KSR2: variants seen among roughly 807,000 people sequenced by gnomAD.
KSR2 encodes kinase suppressor of ras 2.
KSR2 carries 25 observed loss-of-function variants against 107.8 expected under a neutral mutation model. That is an observed-to-expected ratio of 0.23 (90% CI 0.17 to 0.32). The LOEUF (loss-of-function observed/expected upper bound fraction) is 0.32, where lower values mean the gene tolerates loss of function less well. Ranked by LOEUF, KSR2 falls within the 10% of genes least tolerant of loss-of-function variation. The pLI is 1.00. For missense variants in KSR2, 887 were observed against 1,268.9 expected, an observed-to-expected ratio of 0.70 and a Z score of 4.57; for synonymous variants, 480 against 507.0, an observed-to-expected ratio of 0.95 and a Z score of 0.71.
intron 1 of KSR2, among the ~76,000 whole-genome samples, chr12:117,956,498 G>A (rs2137589299): frequency 6.6e-6 from 1 of 151,856 alleles, no homozygotes; most frequent in South Asian, 2.1e-4. Context: ...AGCTCCGGAG[G>A]TCAAGGGTGC....
chr12:117,677,968 T>G (rs963011069), intron 4 of KSR2, among the ~76,000 whole-genome samples: 3 of 152,166 alleles, frequency 2.0e-5, no homozygotes, highest in Non-Finnish European at 4.4e-5. Flanking sequence ...AGAGTCTCGC[T>G]CTGTTGACCA....
chr12:117,798,720 AAT>A (rs1555242305), intron 3 of KSR2, among the ~76,000 whole-genome samples: 7 of 120,186 alleles, frequency 5.8e-5, no homozygotes, highest in East Asian at 2.1e-4. Context: ...AAAAAAAAAA[AAT>A]ATATATATAT....
At chr12:117,717,677 G>A (rs1887042616) in intron 4 of KSR2, among the ~76,000 whole-genome samples, 1 of 33,830 alleles carries the variant, frequency 3.0e-5, no homozygotes, top group African/African-American at 1.0e-4. Flanking sequence ...GTGTGTGTGT[G>A]TGTGTGTGTG....
intron 1 of KSR2, among the ~76,000 whole-genome samples, chr12:117,952,119 T>C (rs1433796530): frequency 6.6e-6 from 1 of 151,222 alleles, no homozygotes; most frequent in Non-Finnish European, 1.5e-5. Context: ...TACTGCATAC[T>C]TAAAATTTGC....
intron 1 of KSR2, among the ~76,000 whole-genome samples, chr12:117,872,634 G>A (rs1893688429): frequency 6.6e-6 from 1 of 152,092 alleles, no homozygotes; most frequent in Non-Finnish European, 1.5e-5. Flanking sequence ...TCTGGAGACA[G>A]CCCAGGAATC....
Position 117,764,185 on chromosome 12 carries a change from C to A in KSR2, c.473-2661G>T, listed in dbSNP as rs182214740. Among the ~76,000 whole-genome samples, 223 of 150,654 alleles carry A rather than the reference C, an allele frequency of 1.5e-3. 1 individual carries two copies. The highest frequency in any genetic ancestry group is 5.1e-3 in the African/African-American group (210 of 41,142). On this transcript the variant is annotated intron_variant, in intron 3 of 19. Transcript: ENST00000339824. ...AAAAAAGGCAATGCTGTTCTACAGC[C>A]TAGCCATCATCCCTATCAATAGCTG...
intron 1 of KSR2, among the ~76,000 whole-genome samples, chr12:117,871,446 G>A (rs944972807): frequency 2.0e-5 from 3 of 152,122 alleles, no homozygotes; most frequent in East Asian, 1.9e-4. Flanking sequence ...AAAAATGGCC[G>A]GGTGTGGTGG....
intron 5 of KSR2, among the ~76,000 whole-genome samples, chr12:117,606,337 TTTCCTTCCTTCCTCCCTCCCTCCC>T: frequency 1.2e-5 from 1 of 80,212 alleles, no homozygotes. Flanking sequence ...TCCTTCCTCC[TTTCCTTCCTTCCTCCCTCCCTCCC>T]CTCCTTCCTC....
intron 4 of KSR2, among the ~76,000 whole-genome samples, chr12:117,691,747 C>T (rs1158677904): frequency 2.0e-5 from 3 of 152,196 alleles, no homozygotes; most frequent in African/African-American, 7.2e-5. Context: ...ATCTCATGGG[C>T]TATGCTGTAG....
At chr12:117,751,063 A>G (rs1307669700) in intron 4 of KSR2, among the ~76,000 whole-genome samples, 3 of 152,160 alleles carry the variant, frequency 2.0e-5, no homozygotes, top group Non-Finnish European at 4.4e-5. Flanking sequence ...ATGTCGTGGG[A>G]TGGACCAGGT....
chr12:117,709,489 T>A (rs990860853), intron 4 of KSR2, among the ~76,000 whole-genome samples: 1 of 152,042 alleles, frequency 6.6e-6, no homozygotes, highest in Non-Finnish European at 1.5e-5. Flanking sequence ...ATGCCTGGCT[T>A]ATTTTTTTAC....
intron 1 of KSR2, among the ~76,000 whole-genome samples, chr12:117,884,252 C>T (rs753748511): frequency 2.0e-5 from 3 of 152,084 alleles, no homozygotes; most frequent in East Asian, 1.9e-4. Context: ...GATTACATCT[C>T]GGCACAATTC....
At position 117,913,470 on chromosome 12, in the gene KSR2, A is replaced by G. The variant is rs553107911; in HGVS notation, c.181-53039T>C. Among the ~76,000 whole-genome samples, 87 of 152,316 alleles carry G rather than the reference A, an allele frequency of 5.7e-4. 1 individual carries two copies. The South Asian group carries it at 0.011, about 20-fold the overall frequency. On this transcript the variant is annotated intron_variant, in intron 1 of 19. Coordinates refer to ENST00000339824, the MANE Select transcript of KSR2 (RefSeq NM_173598.6). ...AACTCAGAACGTAACTTTATTTGAA[A>G]AATAGGGTCTTCTGTAGATGTCATA...
At chr12:117,731,904 C>A (rs1887734922) in intron 4 of KSR2, among the ~76,000 whole-genome samples, 1 of 140,150 alleles carries the variant, frequency 7.1e-6, no homozygotes. Context: ...CTGCGGAAGG[C>A]CGCAGGGTCC....
chr12:117,932,679 G>A (rs1041788890), intron 1 of KSR2, among the ~76,000 whole-genome samples: 40 of 152,250 alleles, frequency 2.6e-4, no homozygotes, highest in Non-Finnish European at 1.5e-4. Context: ...CTGTGATCAC[G>A]TCACTGCACT....
intron 3 of KSR2, among the ~76,000 whole-genome samples, chr12:117,800,281 C>T (rs1233307495): frequency 1.3e-5 from 2 of 152,070 alleles, no homozygotes; most frequent in Non-Finnish European, 2.9e-5. Flanking sequence ...TTATTGAGCC[C>T]ACTATACATG....
intron 7 of KSR2, among the ~76,000 whole-genome samples, chr12:117,564,528 T>C (rs1351895500): frequency 1.3e-5 from 2 of 152,264 alleles, no homozygotes; most frequent in African/African-American, 2.4e-5. Flanking sequence ...AACTTCTTTT[T>C]TCTTTTAACT....
chr12:117,486,634 C>A (rs754882181), intron 14 of KSR2, among the ~76,000 whole-genome samples: 8 of 152,166 alleles, frequency 5.3e-5, no homozygotes, highest in Non-Finnish European at 8.8e-5. Context: ...TGTGTTCATT[C>A]ATTTGGTGTT....
At chr12:117,768,815 C>A (rs1269380802) in intron 3 of KSR2, among the ~76,000 whole-genome samples, 1 of 151,872 alleles carries the variant, frequency 6.6e-6, no homozygotes, top group Non-Finnish European at 1.5e-5. Flanking sequence ...GGAATTTACT[C>A]TGTCTTACAG....
Sources: allele counts gnomAD v4.1 joint callset (sites outside exome capture counted in the v4.1 genomes callset), GRCh38; gene constraint gnomAD v4.1.1; transcripts MANE v1.5; gene names NCBI Gene and HGNC (gene_info 2026-07-23, HGNC 2026-07-21).